IGF1R: variants seen among roughly 807,000 people sequenced by gnomAD.
IGF1R encodes insulin-like growth factor 1 receptor.
Under a neutral mutation model 144.6 loss-of-function variants are expected in IGF1R, and 44 were observed. That is an observed-to-expected ratio of 0.30 (90% CI 0.24 to 0.39). The LOEUF (loss-of-function observed/expected upper bound fraction) is 0.39, where lower values mean the gene tolerates loss of function less well. Among genes scored for constraint, IGF1R ranks in the 10% least tolerant of loss-of-function variants. IGF1R has a pLI of 1.00. For missense variants in IGF1R, 1,355 were observed against 1,833.7 expected, an observed-to-expected ratio of 0.74 and a Z score of 4.77; for synonymous variants, 795 against 722.8, an observed-to-expected ratio of 1.10 and a Z score of -1.60.
At chr15:98,686,454 A>G (rs1233982489) in intron 1 of IGF1R, among the ~76,000 whole-genome samples, 1 of 152,176 alleles carries the variant, frequency 6.6e-6, no homozygotes. Context: ...GCTGGATCAT[A>G]TGGCAGTTCT....
At chr15:98,830,627 GGA>G (rs1453175078) in intron 2 of IGF1R, among the ~76,000 whole-genome samples, 1 of 120,630 alleles carries the variant, frequency 8.3e-6, no homozygotes, top group East Asian at 2.7e-4. Context: ...TTTTTTAGAT[GGA>G]GTCTCATTCT....
In IGF1R at chr15:98,786,016, C is replaced by T. The variant is rs920791862; in HGVS notation, c.640+77909C>T. ...CAGCCTTTCAGCTGCTGCCCCTCCCCTGCAGACTCTGCCTCTCTCACCCTC... is the reference window on the plus strand; with the variant it reads ...CAGCCTTTCAGCTGCTGCCCCTCCCTTGCAGACTCTGCCTCTCTCACCCTC... On this transcript the variant is annotated intron_variant, in intron 2 of 20. Coordinates refer to ENST00000650285, the MANE Select transcript of IGF1R (RefSeq NM_000875.5). 2.6e-5 allele frequency among the ~76,000 whole-genome samples: 4 copies of T among 152,352 alleles called. No homozygotes were observed. In the East Asian group the frequency reaches 7.7e-4, roughly 29 times the overall value.
At chr15:98,868,851 C>G (rs1428214307) in intron 2 of IGF1R, among the ~76,000 whole-genome samples, 2 of 152,188 alleles carry the variant, frequency 1.3e-5, no homozygotes, top group Middle Eastern at 3.2e-3. Context: ...TTCATTCTTC[C>G]CTTCCCTGCT....
intron 1 of IGF1R, among the ~76,000 whole-genome samples, chr15:98,656,362 C>T (rs2052484420): frequency 6.6e-6 from 1 of 152,158 alleles, no homozygotes. Context: ...CCAGCCTGGC[C>T]AACATGGTGC....
intron 2 of IGF1R, among the ~76,000 whole-genome samples, chr15:98,831,154 T>G (rs940738877): frequency 2.0e-5 from 3 of 152,210 alleles, no homozygotes; most frequent in Non-Finnish European, 4.4e-5. Flanking sequence ...AACATGAGAT[T>G]TGGAGGGAAC....
At chr15:98,699,605 G>A (rs1305043110) in intron 1 of IGF1R, among the ~76,000 whole-genome samples, 1 of 152,194 alleles carries the variant, frequency 6.6e-6, no homozygotes, top group Non-Finnish European at 1.5e-5. Context: ...GATGCTTTCA[G>A]TGGAGGGGAC....
At chr15:98,945,450 A>G (rs1158431182) in intron 19 of IGF1R, among the ~76,000 whole-genome samples, 1 of 152,214 alleles carries the variant, frequency 6.6e-6, no homozygotes, top group Non-Finnish European at 1.5e-5. Flanking sequence ...TGGGGAAACA[A>G]CGTCAAGGTT....
At chr15:98,905,675 A>T (rs1158096692) in intron 5 of IGF1R, among the ~76,000 whole-genome samples, 7 of 152,128 alleles carry the variant, frequency 4.6e-5, no homozygotes, top group Admixed American at 2.0e-4. Flanking sequence ...AGGGGAAAAA[A>T]AAAAAAAAAC....
rs1003699801 is a variant in IGF1R at position 98,786,216 on chromosome 15, G to A, written c.640+78109G>A. Among the ~76,000 whole-genome samples, 4 of 152,140 alleles carry A rather than the reference G, an allele frequency of 2.6e-5. No individual in the cohort carries two copies. The South Asian group carries it at 8.3e-4, about 32-fold the overall frequency. On this transcript the variant is annotated intron_variant, in intron 2 of 20. Coordinates refer to ENST00000650285, the MANE Select transcript of IGF1R (RefSeq NM_000875.5). ...GGTTTTGTTGGTTCCAGTCATTTGGGGTCAGCACCTGTTTGAAGCCAGGAC... is the reference window on the plus strand; with the variant it reads ...GGTTTTGTTGGTTCCAGTCATTTGGAGTCAGCACCTGTTTGAAGCCAGGAC...
intron 2 of IGF1R, among the ~76,000 whole-genome samples, chr15:98,867,398 T>A (rs1416243078): frequency 6.6e-6 from 1 of 152,222 alleles, no homozygotes; most frequent in African/African-American, 2.4e-5. Context: ...AATTTTCTGT[T>A]GAAATACATA....
intron 1 of IGF1R, among the ~76,000 whole-genome samples, chr15:98,672,569 CAAAAAAAA>C (rs60559912): frequency 1.9e-4 from 12 of 61,654 alleles, no homozygotes; most frequent in Non-Finnish European, 4.3e-4. Flanking sequence ...GACTCCATCT[CAAAAAAAA>C]AAAAAAAAAA....
At chr15:98,711,717 G>T (rs1267768098) in intron 2 of IGF1R, among the ~76,000 whole-genome samples, 1 of 152,060 alleles carries the variant, frequency 6.6e-6, no homozygotes, top group Admixed American at 6.5e-5. Context: ...CACAGGTGCC[G>T]CTTCTCTGTC....
intron 1 of IGF1R, among the ~76,000 whole-genome samples, chr15:98,667,255 T>C (rs954951236): frequency 6.6e-6 from 1 of 152,240 alleles, no homozygotes; most frequent in African/African-American, 2.4e-5. Flanking sequence ...CATTTTCTTA[T>C]TTTTCCAGAA....
At chr15:98,768,960 C>A (rs8028317) in intron 2 of IGF1R, among the ~76,000 whole-genome samples, 118,860 of 145,950 alleles carry the variant, frequency 0.81, 47,530 homozygotes, top group Non-Finnish European at 0.88. Context: ...ACAACAACAA[C>A]ACCTCACAAC....
intron 2 of IGF1R, among the ~76,000 whole-genome samples, chr15:98,746,825 G>T (rs1012059708): frequency 6.6e-6 from 1 of 152,146 alleles, no homozygotes. Flanking sequence ...GGGCTAAATG[G>T]GTGTGTGTTG....
chr15:98,952,963 G>C (rs2016836475), intron 20 of IGF1R: 2 of 152,216 alleles, frequency 1.3e-5, no homozygotes, highest in Non-Finnish European at 2.9e-5. Context: ...TTGTCCTTCT[G>C]AGTTTACTGA....
chr15:98,810,303 C>A (rs2056558610), intron 2 of IGF1R, among the ~76,000 whole-genome samples: 1 of 152,150 alleles, frequency 6.6e-6, no homozygotes, highest in Non-Finnish European at 1.5e-5. Context: ...TGTCCAGTTA[C>A]TGTGTCTAGT....
chr15:98,936,629 T>TA (rs398038485), intron 17 of IGF1R, among the ~76,000 whole-genome samples: 3 of 151,706 alleles, frequency 2.0e-5, no homozygotes, highest in Non-Finnish European at 4.4e-5. Flanking sequence ...TTTTTTTTTT[T>TA]AATGTTCTTT....
chr15:98,853,258 TCTC>T (rs1195257959), intron 2 of IGF1R, among the ~76,000 whole-genome samples: 1 of 152,204 alleles, frequency 6.6e-6, no homozygotes, highest in African/African-American at 2.4e-5. Context: ...TTTTCTACCT[TCTC>T]CTGTGATCTG....
Sources: allele counts gnomAD v4.1 joint callset (sites outside exome capture counted in the v4.1 genomes callset), GRCh38; gene constraint gnomAD v4.1.1; transcripts MANE v1.5; gene names NCBI Gene and HGNC (gene_info 2026-07-23, HGNC 2026-07-21).